BCO1: variants seen among roughly 807,000 people sequenced by gnomAD.
BCO1 encodes beta-carotene oxygenase 1.
A neutral mutation model predicts 56.3 loss-of-function variants in BCO1; 54 were observed. That is an observed-to-expected ratio of 0.96 (90% CI 0.77 to 1.20). The LOEUF (loss-of-function observed/expected upper bound fraction) is 1.20. Ranked by LOEUF, BCO1 falls within the 50% of genes most tolerant of loss-of-function variation. The probability of loss-of-function intolerance (pLI) is 0.00; values close to 1 mark genes in which losing one functional copy is unlikely to be tolerated. For synonymous variants in BCO1, 318 were observed against 266.1 expected (o/e 1.20, Z -1.90); for missense variants, 801 against 690.9 (o/e 1.16, Z -1.79).
intron 5 of BCO1, among the ~76,000 whole-genome samples, chr16:81,265,154 G>A (rs1240347957): frequency 6.6e-6 from 1 of 150,932 alleles, no homozygotes; most frequent in Non-Finnish European, 1.5e-5. Flanking sequence ...CATTCATTCA[G>A]CTACTCACTA....
intron 1 of BCO1, among the ~76,000 whole-genome samples, chr16:81,239,347 T>C (rs921774897): frequency 6.6e-6 from 1 of 152,184 alleles, no homozygotes; most frequent in African/African-American, 2.4e-5. Context: ...ACACTATTTT[T>C]TCCTGATGAT....
chr16:81,288,644 C>G (rs1424759688), intron 10 of BCO1, among the ~76,000 whole-genome samples: 1 of 152,138 alleles, frequency 6.6e-6, no homozygotes, highest in African/African-American at 2.4e-5. Flanking sequence ...TATTTGTGGC[C>G]CACCTCTATT....
chr16:81,247,823 G>C (rs953726081), intron 2 of BCO1, among the ~76,000 whole-genome samples: 2 of 151,814 alleles, frequency 1.3e-5, no homozygotes, highest in Non-Finnish European at 2.9e-5. Context: ...ACCACGCCCG[G>C]CCCATCCCAT....
At chr16:81,259,449 G>C (rs950506896) in intron 2 of BCO1, among the ~76,000 whole-genome samples, 4 of 151,936 alleles carry the variant, frequency 2.6e-5, no homozygotes, top group African/African-American at 9.7e-5. Flanking sequence ...AGCCGAGATC[G>C]CACCATTATA....
intron 2 of BCO1, among the ~76,000 whole-genome samples, chr16:81,246,411 C>A (rs1024819898): frequency 6.6e-6 from 1 of 152,090 alleles, no homozygotes; most frequent in African/African-American, 2.4e-5. Context: ...TTCAGCCAAC[C>A]GCAAGCACAG....
chr16:81,268,119 C>T lies in BCO1; in HGVS notation c.831C>T (p.His277=), dbSNP rs746587790. Residue 277 remains histidine, a synonymous_variant, in exon 6 of 11, where the codon CAC becomes CAT. Coordinates refer to ENST00000258168, the MANE Select transcript of BCO1 (RefSeq NM_017429.3). ...RMSWASCLAF[H]REEKTYIHII... The stretch of plus-strand genomic sequence containing the variant: ...GCTGGGCCTCCTGCCTGGCTTTCCA[C>T]AGGGAGGAGAAGGTGAGGTCTGGCT... 2.5e-6 allele frequency: 4 copies of T among 1,608,972 alleles called. No homozygotes were observed. Among genetic ancestry groups the T allele is most frequent in the East Asian group, 2.2e-5 (1 of 44,866 alleles).
At chr16:81,290,046 T>C (rs558103188) in intron 10 of BCO1, among the ~76,000 whole-genome samples, 155 of 152,336 alleles carry the variant, frequency 1.0e-3, no homozygotes, top group African/African-American at 3.5e-3. Context: ...GTATTTTTAG[T>C]AGAGATGGGG....
intron 3 of BCO1, 114 bp downstream of exon 3, chr16:81,259,919 C>A: frequency 1.5e-6 from 2 of 1,300,536 alleles, no homozygotes; most frequent in Non-Finnish European, 2.2e-6. Context: ...GAAAACTCCA[C>A]ATGACTGCCC....
At chr16:81,240,896 G>A (rs1221638182) in intron 1 of BCO1, among the ~76,000 whole-genome samples, 13 of 146,746 alleles carry the variant, frequency 8.9e-5, no homozygotes, top group Middle Eastern at 3.5e-3. Flanking sequence ...GTGTAATGGC[G>A]CGATCTCGGC....
At chr16:81,278,789 A>G (rs547576571) in intron 7 of BCO1, among the ~76,000 whole-genome samples, 2 of 152,330 alleles carry the variant, frequency 1.3e-5, no homozygotes, top group East Asian at 3.9e-4. Flanking sequence ...GGCCCCAGGC[A>G]CAGGGTCTGC....
At chr16:81,286,085 A>G (rs543719697) in intron 9 of BCO1, among the ~76,000 whole-genome samples, 1 of 151,238 alleles carries the variant, frequency 6.6e-6, no homozygotes. Flanking sequence ...ACAGAGTCTC[A>G]TTGTGTTGTC....
At chr16:81,280,094 C>A (rs946097602) in intron 7 of BCO1, among the ~76,000 whole-genome samples, 1 of 151,748 alleles carries the variant, frequency 6.6e-6, no homozygotes, top group African/African-American at 2.4e-5. Flanking sequence ...GAAACCCCAT[C>A]TCCACTAAAA....
intron 3 of BCO1, 40 bp from the exon 4 acceptor site, chr16:81,262,096 G>C (rs185021473): frequency 2.5e-6 from 4 of 1,609,248 alleles, no homozygotes; most frequent in Non-Finnish European, 3.4e-6. Context: ...TGGCTGGGTG[G>C]ACATAGCCAC....
At position 81,274,382 on chromosome 16, in the gene BCO1, G is replaced by C. The variant is rs145902534; in HGVS notation, c.1101+3966G>C. 8.1e-3 allele frequency among the ~76,000 whole-genome samples: 1,215 copies of C among 149,636 alleles called. 25 individuals are homozygous for C. The highest frequency in any genetic ancestry group is 0.028 in the African/African-American group (1,155 of 40,596). ...GGGTTCACGCCATTCTGCTGCCTCA[G>C]CCTCCCTAGTGGCTGGGACTACAGG... On this transcript the variant is annotated intron_variant, in intron 7 of 10. Coordinates refer to ENST00000258168, the MANE Select transcript of BCO1 (RefSeq NM_017429.3).
At chr16:81,252,563 C>T (rs1905875787) in intron 2 of BCO1, among the ~76,000 whole-genome samples, 1 of 152,170 alleles carries the variant, frequency 6.6e-6, no homozygotes, top group African/African-American at 2.4e-5. Flanking sequence ...GCCAATATTT[C>T]AAGTGAACAT....
At chr16:81,270,044 G>A (rs1907085945) in intron 6 of BCO1, 115 bp from the exon 7 acceptor site, 2 of 1,329,944 alleles carry the variant, frequency 1.5e-6, no homozygotes, top group Admixed American at 3.4e-5. Context: ...ATGCAGAATG[G>A]GGACATAGTC....
At chr16:81,251,857 C>CACACACACACACACA (rs1271383538) in intron 2 of BCO1, among the ~76,000 whole-genome samples, 1 of 138,790 alleles carries the variant, frequency 7.2e-6, no homozygotes, top group Admixed American at 7.2e-5. Context: ...CACACGCACA[C>CACACACACACACACA]ACACACACAC....
intron 9 of BCO1, 150 bp from the exon 10 acceptor site, chr16:81,287,145 C>A (rs1030742613): frequency 2.1e-5 from 15 of 698,866 alleles, no homozygotes; most frequent in Non-Finnish European, 3.7e-5. Context: ...GCTGTGCTCA[C>A]CAGAGGTAGC....
chr16:81,247,777 C>T (rs948673813), intron 2 of BCO1, among the ~76,000 whole-genome samples: 4 of 152,172 alleles, frequency 2.6e-5, no homozygotes, highest in South Asian at 4.1e-4. Context: ...CTGCCCACCT[C>T]GGCCTCCCAA....
Sources: allele counts gnomAD v4.1 joint callset (sites outside exome capture counted in the v4.1 genomes callset), GRCh38; gene constraint gnomAD v4.1.1; transcripts MANE v1.5; gene names NCBI Gene and HGNC (gene_info 2026-07-23, HGNC 2026-07-21).